ANTXR1: variants seen among roughly 807,000 people sequenced by gnomAD.
The protein encoded by ANTXR1 is ANTXR cell adhesion molecule 1, also known as anthrax toxin receptor 1.
Under a neutral mutation model 78.1 loss-of-function variants are expected in ANTXR1, and 19 were observed. The observed-to-expected ratio is 0.24, with a 90% CI of 0.17 to 0.36. The LOEUF (loss-of-function observed/expected upper bound fraction) is 0.36. ANTXR1 is among the 10% of genes least tolerant of loss of function. ANTXR1 has a pLI of 1.00. For missense variants in ANTXR1, 518 were observed against 718.6 expected, an observed-to-expected ratio of 0.72 and a Z score of 3.19; for synonymous variants, 273 against 260.5, an observed-to-expected ratio of 1.05 and a Z score of -0.46.
intron 12 of ANTXR1, among the ~76,000 whole-genome samples, chr2:69,131,858 A>C (rs546588426): frequency 2.0e-5 from 3 of 152,270 alleles, no homozygotes; most frequent in Non-Finnish European, 4.4e-5. Flanking sequence ...AGCATAATTT[A>C]ACAGGGGAAA....
At chr2:69,115,938 A>G (rs1018397086) in intron 10 of ANTXR1, among the ~76,000 whole-genome samples, 1 of 152,232 alleles carries the variant, frequency 6.6e-6, no homozygotes, top group Non-Finnish European at 1.5e-5. Context: ...AGGACATTAC[A>G]GTGGGTATAC....
At chr2:69,047,703 C>A (rs1669812531) in intron 3 of ANTXR1, among the ~76,000 whole-genome samples, 1 of 152,000 alleles carries the variant, frequency 6.6e-6, no homozygotes, top group African/African-American at 2.4e-5. Context: ...ATTTTCCTCC[C>A]CAGTCCACCA....
chr2:69,236,943 G>C (rs1230816949), intron 17 of ANTXR1, among the ~76,000 whole-genome samples: 2 of 152,120 alleles, frequency 1.3e-5, no homozygotes, highest in Non-Finnish European at 2.9e-5. Context: ...TATTAATTCT[G>C]AATGCTATAA....
In ANTXR1 at chr2:69,123,031, T is replaced by G. The variant is rs1397456731; in HGVS notation, c.817T>G (p.Ser273Ala). Residue 273 changes from serine to alanine, a missense_variant, in exon 11 of 18, where the codon TCT becomes GCT. Transcript: ENST00000303714. ...CCTTTTTGCAGATGAGAAGCCCTTTTCTGTGGAAGATACTTATTTACTGTG... is the reference window on the plus strand; with the variant it reads ...CCTTTTTGCAGATGAGAAGCCCTTTGCTGTGGAAGATACTTATTTACTGTG... The part of the protein sequence containing the change: ...DSVTLNEKPF[S>A]VEDTYLLCPA... 6.2e-7 allele frequency: 1 copy of G among 1,614,206 alleles called. No homozygotes were observed. Among genetic ancestry groups the G allele is most frequent in the South Asian group, 1.1e-5 (1 of 91,084 alleles).
chr2:69,111,726 G>C (rs1671981701), intron 10 of ANTXR1, among the ~76,000 whole-genome samples: 1 of 152,228 alleles, frequency 6.6e-6, no homozygotes, highest in Admixed American at 6.5e-5. Context: ...GGAGTTCTGA[G>C]GAGGGGGCTC....
In ANTXR1 at chr2:69,182,496, C is replaced by T. The variant is rs774300710; in HGVS notation, c.1189C>T (p.Arg397Cys). Residue 397 changes from arginine (R) to cysteine (C), a missense_variant, in exon 16 of 18, where the codon CGT becomes TGT. This residue lies in a region of ANTXR1 where 192 missense variants were observed against 230.2 expected (regional missense o/e 0.83). Coordinates refer to ENST00000303714, the MANE Select transcript of ANTXR1 (RefSeq NM_032208.3). Reference sequence around the variant, plus strand: ...CATTGTATTTTGTTTATTTTAGGTTCGTTGGGGAGAAAAGGGCTCCACAGA... The same window carrying T: ...CATTGTATTTTGTTTATTTTAGGTTTGTTGGGGAGAAAAGGGCTCCACAGA... Reference protein sequence around the residue: ...GVGGIKRMEVRWGEKGSTEEG... With the variant: ...GVGGIKRMEVCWGEKGSTEEG... The T allele has an allele frequency of 1.1e-5, 17 of 1,613,852 alleles. No homozygotes were observed. Among genetic ancestry groups the T allele is most frequent in the South Asian group, 7.7e-5 (7 of 91,070 alleles).
At chr2:69,072,373 G>A (rs1670593027) in intron 5 of ANTXR1, among the ~76,000 whole-genome samples, 1 of 152,150 alleles carries the variant, frequency 6.6e-6, no homozygotes, top group Admixed American at 6.5e-5. Flanking sequence ...CAATATTACA[G>A]TAGAGACTTT....
chr2:69,067,188 AG>A, intron 3 of ANTXR1, among the ~76,000 whole-genome samples: 1 of 152,090 alleles, frequency 6.6e-6, no homozygotes, highest in East Asian at 1.9e-4. Flanking sequence ...TTGAGCAGCA[AG>A]GGTGGTATAA....
chr2:69,211,852 C>G (rs368344817), intron 17 of ANTXR1, among the ~76,000 whole-genome samples: 1 of 152,202 alleles, frequency 6.6e-6, no homozygotes, highest in African/African-American at 2.4e-5. Context: ...GCCCCCAAGA[C>G]GCTATTTCAG....
At chr2:69,076,754 A>G (rs780770715) in intron 7 of ANTXR1, among the ~76,000 whole-genome samples, 1 of 152,226 alleles carries the variant, frequency 6.6e-6, no homozygotes, top group Admixed American at 6.5e-5. Context: ...TTACTTTTGC[A>G]ATCAGTAAAA....
chr2:69,111,086 G>T (rs1405303762), intron 10 of ANTXR1, among the ~76,000 whole-genome samples: 1 of 152,086 alleles, frequency 6.6e-6, no homozygotes, highest in Non-Finnish European at 1.5e-5. Flanking sequence ...CCACAAAATT[G>T]ATTTAAAACT....
At chr2:69,229,931 G>A (rs1463766342) in intron 17 of ANTXR1, among the ~76,000 whole-genome samples, 1 of 152,030 alleles carries the variant, frequency 6.6e-6, no homozygotes, top group Non-Finnish European at 1.5e-5. Context: ...TTTAAGAAGA[G>A]CAAAGTTAAG....
Position 69,056,634 on chromosome 2 carries a change from T to G in ANTXR1, c.296+11821T>G, listed in dbSNP as rs546943440. ...TTTCAATGGATATTGCATACTTTTA[T>G]ATGTGCATAAGCTATAATATATATT... On this transcript the variant is annotated intron_variant, in intron 3 of 17. Transcript: ENST00000303714. Among the ~76,000 whole-genome samples the G allele has an allele frequency of 2.0e-5, 3 of 152,314 alleles. No homozygotes were observed. The South Asian group carries it at 6.2e-4, about 32-fold the overall frequency.
chr2:69,049,166 A>T (rs969587200), intron 3 of ANTXR1, among the ~76,000 whole-genome samples: 6 of 152,104 alleles, frequency 3.9e-5, no homozygotes, highest in Admixed American at 3.9e-4. Flanking sequence ...ATTTACAAAA[A>T]CGTGCATGTC....
chr2:69,116,317 T>C (rs533107611), intron 10 of ANTXR1, among the ~76,000 whole-genome samples: 14 of 152,328 alleles, frequency 9.2e-5, no homozygotes, highest in African/African-American at 3.4e-4. Context: ...TCTTTGGAGC[T>C]CCAGAAAGCT....
At chr2:69,051,676 T>G (rs997271581) in intron 3 of ANTXR1, among the ~76,000 whole-genome samples, 2 of 152,074 alleles carry the variant, frequency 1.3e-5, no homozygotes, top group African/African-American at 4.8e-5. Flanking sequence ...AACATTAATT[T>G]TTAAATATTT....
chr2:69,240,394 G>A (rs997453353), intron 17 of ANTXR1, among the ~76,000 whole-genome samples: 4 of 152,248 alleles, frequency 2.6e-5, no homozygotes, highest in Non-Finnish European at 5.9e-5. Flanking sequence ...TATTTGTGGA[G>A]GGCATAGGGT....
intron 16 of ANTXR1, among the ~76,000 whole-genome samples, chr2:69,191,797 TG>T (rs1035417041): frequency 6.6e-6 from 1 of 152,188 alleles, no homozygotes; most frequent in African/African-American, 2.4e-5. Flanking sequence ...CTGCAATTGG[TG>T]TAATAGAAAG....
intron 12 of ANTXR1, among the ~76,000 whole-genome samples, chr2:69,142,942 G>A (rs1172497162): frequency 1.3e-5 from 2 of 152,138 alleles, no homozygotes; most frequent in African/African-American, 4.8e-5. Context: ...CCCTGAAATG[G>A]TAATAAAAAA....
Sources: allele counts gnomAD v4.1 joint callset (sites outside exome capture counted in the v4.1 genomes callset), GRCh38; gene constraint gnomAD v4.1.1; regional missense constraint gnomAD v4.1.1; transcripts MANE v1.5; gene names NCBI Gene and HGNC (gene_info 2026-07-23, HGNC 2026-07-21).